The following CRACD variants were observed in gnomAD, a reference collection of about 807,000 sequenced individuals.
CRACD encodes capping protein-inhibiting regulator of actin dynamics.
Under a neutral mutation model 106.8 loss-of-function variants are expected in CRACD, and 56 were observed. That is an observed-to-expected ratio of 0.52 (90% CI 0.42 to 0.66). The LOEUF is 0.66. Ranked by LOEUF, CRACD falls within the 30% of genes least tolerant of loss-of-function variation. CRACD has a pLI of 0.00. For synonymous variants in CRACD, 754 were observed against 670.8 expected (o/e 1.12, Z -1.92); for missense variants, 1,730 against 1,623.2 (o/e 1.07, Z -1.13).
At position 56,314,302 on chromosome 4, in the gene CRACD, AG is replaced by A; in HGVS notation, c.802del (p.Glu268SerfsTer14). Reference protein sequence around the residue: ...ERRLWEENRRQELLEEEGEGQ... With the variant: ...ERRLWEENRRXELLEEEGEGQ... ...AGGCTTTGGGAAGAGAACAGAAGGC[AG>A]GAGCTCTTGGAGGAGGAGGGCGAGG... On this transcript the variant is annotated frameshift_variant, in exon 8 of 11. Transcript: ENST00000682029. LOFTEE classifies it high-confidence loss of function. The surrounding 1 kb of genome is among the most constrained non-coding windows in gnomAD (Gnocchi z 4.4). 2 of 1,554,528 alleles carry A rather than the reference AG, an allele frequency of 1.3e-6. No individual in the cohort carries two copies. Among genetic ancestry groups the A allele is most frequent in the Non-Finnish European group, 1.7e-6 (2 of 1,148,566 alleles).
chr4:56,269,632 C>G (rs1167008514), intron 2 of CRACD, among the ~76,000 whole-genome samples: 3 of 147,296 alleles, frequency 2.0e-5, no homozygotes, highest in East Asian at 4.1e-4. Flanking sequence ...GTGGCATGAT[C>G]TCTGCTCACT....
chr4:56,233,030 A>G (rs1739737221), intron 2 of CRACD, among the ~76,000 whole-genome samples: 1 of 151,950 alleles, frequency 6.6e-6, no homozygotes, highest in Admixed American at 6.6e-5. Flanking sequence ...ATCTTTCTTA[A>G]TAACTAGTTT....
intron 2 of CRACD, among the ~76,000 whole-genome samples, chr4:56,237,415 T>A (rs1740042021): frequency 6.6e-6 from 1 of 152,152 alleles, no homozygotes; most frequent in African/African-American, 2.4e-5. Flanking sequence ...TGCATTTAAG[T>A]CCTATAAAAA....
Position 56,314,326 on chromosome 4 carries a change from A to AG in CRACD, c.828dup (p.Gln277AlafsTer33). On this transcript the variant is annotated frameshift_variant, in exon 8 of 11. Transcript: ENST00000682029. LOFTEE classifies it high-confidence loss of function. The surrounding 1 kb of genome is among the most constrained non-coding windows in gnomAD (Gnocchi z 4.4). ...CAGGAGCTCTTGGAGGAGGAGGGCGAGGGGCAGGAGCCGCCTCTAGAGGCG... is the reference window on the plus strand; with the variant it reads ...CAGGAGCTCTTGGAGGAGGAGGGCGAGGGGGCAGGAGCCGCCTCTAGAGGCG... 6.4e-7 allele frequency: 1 copy of AG among 1,550,698 alleles called. No homozygotes were observed. Among genetic ancestry groups the AG allele is most frequent in the Non-Finnish European group, 8.7e-7 (1 of 1,147,130 alleles).
At chr4:56,214,706 A>G (rs1264436306) in intron 2 of CRACD, among the ~76,000 whole-genome samples, 1 of 80,340 alleles carries the variant, frequency 1.2e-5, no homozygotes, top group South Asian at 3.9e-4. Flanking sequence ...TCAAACAGTT[A>G]TTTTTTTTTA....
intron 1 of CRACD, among the ~76,000 whole-genome samples, chr4:56,101,296 A>G (rs1013589016): frequency 6.6e-5 from 10 of 152,132 alleles, no homozygotes; most frequent in African/African-American, 2.4e-4. Context: ...CCAGATACAA[A>G]CAGCCACATT....
rs5858372 is a variant in CRACD, at chr4:56,296,920, G to GT, written c.-16-1279dup. On this transcript the variant is annotated intron_variant, in intron 3 of 10. Coordinates refer to ENST00000682029, the MANE Select transcript of CRACD (RefSeq NM_001393381.1). ...TTTGTGCATTTCTTTTTTTTTGTTT[G>GT]TTTTTTTTTTTTTTTGAGACTGAGT... is the stretch of plus-strand genomic sequence containing the variant. 5.9e-3 allele frequency among the ~76,000 whole-genome samples: 781 copies of GT among 131,606 alleles called. 6 individuals are homozygous for GT. The highest frequency in any genetic ancestry group is 0.011 in the African/African-American group (385 of 34,576). The allele number at this position is 131,606 out of a possible 152,430, so 86.3% of individuals were successfully genotyped here.
intron 1 of CRACD, among the ~76,000 whole-genome samples, chr4:56,112,851 C>G (rs1734163924): frequency 6.6e-6 from 1 of 152,080 alleles, no homozygotes; most frequent in East Asian, 1.9e-4. Context: ...GCTTGGAGGG[C>G]CCCATGGGCC....
chr4:56,106,709 G>C (rs1322785404), intron 1 of CRACD, among the ~76,000 whole-genome samples: 6 of 152,248 alleles, frequency 3.9e-5, no homozygotes, highest in Admixed American at 3.9e-4. Context: ...GTAATAGTTT[G>C]GTCTTTAATA....
chr4:56,324,796 A>T (rs975575238), intron 10 of CRACD, among the ~76,000 whole-genome samples: 1 of 152,216 alleles, frequency 6.6e-6, no homozygotes, highest in African/African-American at 2.4e-5. Context: ...TAATAAGTCA[A>T]ATCAAAGCCA....
chr4:56,321,714 TC>T (rs1454249798), intron 8 of CRACD, among the ~76,000 whole-genome samples: 1 of 152,224 alleles, frequency 6.6e-6, no homozygotes, highest in African/African-American at 2.4e-5. Flanking sequence ...AAACAAAAAC[TC>T]TTTCAAATTC....
At chr4:56,201,316 C>A (rs1737869145) in intron 2 of CRACD, among the ~76,000 whole-genome samples, 1 of 152,182 alleles carries the variant, frequency 6.6e-6, no homozygotes, top group African/African-American at 2.4e-5. Flanking sequence ...CTTTCCAGAG[C>A]ACTGTTAAAG....
intron 2 of CRACD, among the ~76,000 whole-genome samples, chr4:56,259,900 C>A (rs191725588): frequency 1.3e-5 from 2 of 152,254 alleles, no homozygotes; most frequent in East Asian, 3.9e-4. Context: ...TTTTAGCACT[C>A]CTAAGTCCTG....
chr4:56,263,674 G>A (rs1171721991), intron 2 of CRACD, among the ~76,000 whole-genome samples: 1 of 152,112 alleles, frequency 6.6e-6, no homozygotes, highest in Non-Finnish European at 1.5e-5. Flanking sequence ...GCATTCAGAG[G>A]TACTGGGAGT....
chr4:56,275,573 T>C (rs1742629922), intron 3 of CRACD, among the ~76,000 whole-genome samples: 1 of 152,270 alleles, frequency 6.6e-6, no homozygotes, highest in South Asian at 2.1e-4. Flanking sequence ...ATGTTGATTA[T>C]GGTATAACTG....
intron 1 of CRACD, among the ~76,000 whole-genome samples, chr4:56,175,681 GT>G (rs1736553261): frequency 6.6e-6 from 1 of 152,026 alleles, no homozygotes; most frequent in South Asian, 2.1e-4. Context: ...ATATATTCTG[GT>G]TATTAATCCC....
chr4:56,110,396 A>G (rs1292946751), intron 1 of CRACD, among the ~76,000 whole-genome samples: 1 of 152,204 alleles, frequency 6.6e-6, no homozygotes, highest in Non-Finnish European at 1.5e-5. Context: ...AGAGGAAAAC[A>G]TGGAAACCAG....
At chr4:56,170,865 G>A (rs1468417174) in intron 1 of CRACD, among the ~76,000 whole-genome samples, 1 of 151,942 alleles carries the variant, frequency 6.6e-6, no homozygotes, top group East Asian at 1.9e-4. Flanking sequence ...TGAATAATGG[G>A]GAGTCATCAT....
chr4:56,069,118 C>T (rs1342426256), intron 1 of CRACD, among the ~76,000 whole-genome samples: 1 of 152,166 alleles, frequency 6.6e-6, no homozygotes, highest in East Asian at 1.9e-4. Flanking sequence ...AGGAAGGGTC[C>T]TCCCTTAGAG....
Sources: allele counts gnomAD v4.1 joint callset (sites outside exome capture counted in the v4.1 genomes callset), GRCh38; gene constraint gnomAD v4.1.1; non-coding constraint Gnocchi (gnomAD v3.1); transcripts MANE v1.5; gene names NCBI Gene and HGNC (gene_info 2026-07-23, HGNC 2026-07-21).